The following NAALADL2 variants were observed in gnomAD, a reference collection of about 807,000 sequenced individuals.
The protein encoded by NAALADL2 is N-acetylated alpha-linked acidic dipeptidase like 2.
NAALADL2 carries 76 observed loss-of-function variants against 87.2 expected under a neutral mutation model. The ratio of observed to expected loss-of-function variants is 0.87; its 90% CI spans 0.72 to 1.05. NAALADL2 has a LOEUF of 1.05. Ranked by LOEUF, NAALADL2 falls within the 50% of genes least tolerant of loss-of-function variation. The pLI is 0.00. For missense variants in NAALADL2, 1,089 were observed against 945.8 expected, an observed-to-expected ratio of 1.15 and a Z score of -1.99; for synonymous variants, 354 against 331.0, an observed-to-expected ratio of 1.07 and a Z score of -0.75.
chr3:175,307,938 T>C (rs76814589), intron 4 of NAALADL2, among the ~76,000 whole-genome samples: 6,847 of 152,238 alleles, frequency 0.045, 480 homozygotes, highest in African/African-American at 0.15. Flanking sequence ...GCAAAACTTA[T>C]TCAATTAAAG....
At chr3:175,465,262 A>T (rs2149273957) in intron 7 of NAALADL2, among the ~76,000 whole-genome samples, 1 of 151,880 alleles carries the variant, frequency 6.6e-6, no homozygotes, top group East Asian at 1.9e-4. Flanking sequence ...AAAAAAAAAA[A>T]AAAAAAAGAC....
In NAALADL2 at chr3:175,699,634, G is replaced by A. The variant is rs190662671; in HGVS notation, c.1897-37672G>A. Among the ~76,000 whole-genome samples the A allele has an allele frequency of 2.4e-3, 363 of 152,096 alleles. 5 individuals are homozygous for A. Among genetic ancestry groups the A allele is most frequent in the African/African-American group, 8.6e-3 (356 of 41,506 alleles). On this transcript the variant is annotated intron_variant, in intron 11 of 13. Coordinates refer to ENST00000454872, the MANE Select transcript of NAALADL2 (RefSeq NM_207015.3). ...ATCACAGATAAGATATATTGAACAA[G>A]TATTAATTAAACACCCACTGTTTAC...
At chr3:174,730,729 C>T (rs1347861850) in intron 2 of NAALADL2, among the ~76,000 whole-genome samples, 1 of 151,764 alleles carries the variant, frequency 6.6e-6, no homozygotes, top group East Asian at 1.9e-4. Context: ...AATAATTTTA[C>T]TGTTTGTTTC....
At chr3:174,857,883 T>C (rs1328957714), upstream of NAALADL2, among the ~76,000 whole-genome samples, 3 of 152,010 alleles carry the variant, frequency 2.0e-5, no homozygotes, top group Non-Finnish European at 4.4e-5. Context: ...AAATTTTTAA[T>C]GTCATGTTTG....
chr3:175,182,527 A>G (rs181570329), intron 2 of NAALADL2, among the ~76,000 whole-genome samples: 32 of 143,634 alleles, frequency 2.2e-4, no homozygotes, highest in Non-Finnish European at 3.9e-4. Flanking sequence ...AGCTGAGACT[A>G]TAAGTCCATG....
chr3:174,952,762 A>G (rs923774942), intron 1 of NAALADL2, among the ~76,000 whole-genome samples: 1 of 152,152 alleles, frequency 6.6e-6, no homozygotes, highest in African/African-American at 2.4e-5. Flanking sequence ...AGATGGATTT[A>G]TATCTGGGTA....
chr3:174,862,910 A>G (rs1726676969), intron 1 of NAALADL2, among the ~76,000 whole-genome samples: 1 of 152,046 alleles, frequency 6.6e-6, no homozygotes, highest in Admixed American at 6.6e-5. Flanking sequence ...GAAGGCTACA[A>G]AACAGTAGAA....
In NAALADL2 at chr3:175,465,121, A is replaced by G. The variant is rs1055775795; in HGVS notation, c.1327+1628A>G. The stretch of plus-strand genomic sequence containing the variant: ...TATTTAATTAGCCGGGCATGGTGGC[A>G]GACGCCTGTAGTCCCAGCTACTGGG... On this transcript the variant is annotated intron_variant, in intron 7 of 13. Transcript: ENST00000454872. Among the ~76,000 whole-genome samples the G allele has an allele frequency of 2.7e-4, 41 of 152,170 alleles. 3 individuals carry two copies. Among genetic ancestry groups the G allele is most frequent in the Admixed American group, 1.2e-3 (19 of 15,292 alleles).
intron 3 of NAALADL2, among the ~76,000 whole-genome samples, chr3:174,738,041 T>C (rs1372920301): frequency 6.6e-6 from 1 of 152,230 alleles, no homozygotes; most frequent in African/African-American, 2.4e-5. Context: ...CTGTCTATAA[T>C]TGTAAATGTT....
intron 3 of NAALADL2, among the ~76,000 whole-genome samples, chr3:174,837,082 A>C (rs2109400592): frequency 6.6e-6 from 1 of 152,328 alleles, no homozygotes; most frequent in South Asian, 2.1e-4. Flanking sequence ...GTCACACTTA[A>C]GGAACTAGAG....
intron 1 of NAALADL2, among the ~76,000 whole-genome samples, chr3:175,064,855 C>G (rs1022528835): frequency 1.3e-5 from 2 of 152,160 alleles, no homozygotes; most frequent in African/African-American, 2.4e-5. Flanking sequence ...ACAAAATTGG[C>G]TTGGTTTTCA....
In NAALADL2 at chr3:175,160,360, C is replaced by CTTTTTTTTTTTTTTTT. The variant is rs71164618; in HGVS notation, c.545+63082_545+63097dup. Among the ~76,000 whole-genome samples the CTTTTTTTTTTTTTTTT allele has an allele frequency of 1.8e-4, 10 of 57,042 alleles. 1 individual carries two copies. The highest frequency in any genetic ancestry group is 7.3e-4 in the South Asian group (1 of 1,378). The allele number at this position is 57,042 out of a possible 152,430, so 37.4% of individuals were successfully genotyped here. A position where few individuals can be genotyped will look rare whatever the true frequency, so the allele number is the denominator to read the frequency against. ...TATATTATATGTGTATCTTTTCTTTCTTTTTTTTTTTTTTTTTTTTTTTTT... is the reference window on the plus strand; with the variant it reads ...TATATTATATGTGTATCTTTTCTTTCTTTTTTTTTTTTTTTTTTTTTTTTTTTTTTTTTTTTTTTTT... On this transcript the variant is annotated intron_variant, in intron 2 of 13. Coordinates refer to ENST00000454872, the MANE Select transcript of NAALADL2 (RefSeq NM_207015.3).
At chr3:175,117,296 A>G (rs1725399854) in intron 2 of NAALADL2, among the ~76,000 whole-genome samples, 2 of 152,156 alleles carry the variant, frequency 1.3e-5, no homozygotes, top group Non-Finnish European at 2.9e-5. Flanking sequence ...TCTGCACAGC[A>G]AAAGAAACCA....
intron 9 of NAALADL2, among the ~76,000 whole-genome samples, chr3:175,546,858 C>T (rs559143346): frequency 1.3e-5 from 2 of 152,088 alleles, no homozygotes; most frequent in East Asian, 3.9e-4. Flanking sequence ...ATACAGCTAG[C>T]TAGGGAGGTG....
chr3:175,656,265 C>T lies in NAALADL2; in HGVS notation c.1896+28879C>T, dbSNP rs73881339. 9.3e-3 allele frequency among the ~76,000 whole-genome samples: 1,419 copies of T among 152,204 alleles called. 19 individuals carry two copies. The highest frequency in any genetic ancestry group is 0.032 in the African/African-American group (1,336 of 41,512). On this transcript the variant is annotated intron_variant, in intron 11 of 13. Coordinates refer to ENST00000454872, the MANE Select transcript of NAALADL2 (RefSeq NM_207015.3). ...ATACATATGAGTTGAAACTCAGAGACGTTTGTCTCAGAATTATTTATGATT... is the reference window on the plus strand; with the variant it reads ...ATACATATGAGTTGAAACTCAGAGATGTTTGTCTCAGAATTATTTATGATT...
At chr3:175,096,051 A>G (rs1323299102) in intron 1 of NAALADL2, among the ~76,000 whole-genome samples, 3 of 152,094 alleles carry the variant, frequency 2.0e-5, no homozygotes, top group Non-Finnish European at 4.4e-5. Flanking sequence ...TAGGCTGGCA[A>G]AAGGCTTTCC....
chr3:175,379,175 C>T (rs1035452890), intron 5 of NAALADL2, among the ~76,000 whole-genome samples: 7 of 144,240 alleles, frequency 4.9e-5, no homozygotes, highest in Non-Finnish European at 9.0e-5. Context: ...GTTACTTAAC[C>T]TGTTTCTTCC....
At chr3:175,328,661 G>A (rs929877014) in intron 5 of NAALADL2, among the ~76,000 whole-genome samples, 2 of 152,160 alleles carry the variant, frequency 1.3e-5, no homozygotes, top group African/African-American at 4.8e-5. Context: ...CAATCTTGAA[G>A]CACAAGAACC....
chr3:174,741,461 A>G (rs562621143), intron 3 of NAALADL2, among the ~76,000 whole-genome samples: 54 of 151,812 alleles, frequency 3.6e-4, no homozygotes, highest in Middle Eastern at 3.4e-3. Flanking sequence ...ATACTATTTC[A>G]GGTAGAAATG....
Sources: gnomAD v4.1 joint callset for allele counts (sites outside exome capture counted in the v4.1 genomes callset) on GRCh38, gnomAD v4.1.1 for gene constraint, MANE v1.5 for transcripts, NCBI Gene and HGNC (gene_info 2026-07-23, HGNC 2026-07-21) for gene names.